Variants in LTBP1 observed in about 807,000 individuals in gnomAD.
LTBP1 encodes the protein latent-transforming growth factor beta-binding protein 1.
Under a neutral mutation model 207.6 loss-of-function variants are expected in LTBP1, and 129 were observed. The ratio of observed to expected loss-of-function variants is 0.62; its 90% CI spans 0.54 to 0.72. The LOEUF (loss-of-function observed/expected upper bound fraction) is 0.72, where lower values mean the gene tolerates loss of function less well. LTBP1 is among the 30% of genes least tolerant of loss of function. The probability of loss-of-function intolerance (pLI) is 0.00; values close to 1 mark genes in which losing one functional copy is unlikely to be tolerated. For synonymous variants in LTBP1, 963 were observed against 833.7 expected, an observed-to-expected ratio of 1.16 and a Z score of -2.67; for missense variants, 2,281 against 2,217.2, an observed-to-expected ratio of 1.03 and a Z score of -0.58.
chr2:33,321,500 G>A (rs1471171504), intron 24 of LTBP1, among the ~76,000 whole-genome samples: 2 of 152,206 alleles, frequency 1.3e-5, no homozygotes, highest in Non-Finnish European at 2.9e-5. Flanking sequence ...CAAATTGGGA[G>A]CAGACGTGGG....
intron 3 of LTBP1, among the ~76,000 whole-genome samples, chr2:33,085,758 T>C (rs2078715771): frequency 6.6e-6 from 1 of 152,244 alleles, no homozygotes; most frequent in Non-Finnish European, 1.5e-5. Context: ...AAATTCTGTG[T>C]TCTTAGCTAT....
In LTBP1 at chr2:32,965,372, T is replaced by A. The variant is rs114206537; in HGVS notation, c.565+16427T>A. Among the ~76,000 whole-genome samples, 748 of 152,302 alleles carry A rather than the reference T, an allele frequency of 4.9e-3. 11 individuals are homozygous for A. The highest frequency in any genetic ancestry group is 0.017 in the African/African-American group (723 of 41,564). On this transcript the variant is annotated intron_variant, in intron 2 of 33. Coordinates refer to ENST00000404816, the MANE Select transcript of LTBP1 (RefSeq NM_206943.4). ...CCATAGTTTATATTAGGGTTCACTC[T>A]TGGTGTTGTATATTCCTTGGGTTTT...
intron 31 of LTBP1, 49 bp from the exon 32 acceptor site, chr2:33,389,135 G>A (rs1428627530): frequency 6.2e-7 from 1 of 1,610,156 alleles, no homozygotes; most frequent in African/African-American, 1.4e-5. Context: ...GGGTGGGGCA[G>A]GTGCGAGCTA....
chr2:33,160,716 C>A (rs906628342), intron 5 of LTBP1, among the ~76,000 whole-genome samples: 2 of 152,136 alleles, frequency 1.3e-5, no homozygotes, highest in Non-Finnish European at 2.9e-5. Flanking sequence ...GTTATTTCTG[C>A]CTCATTATTA....
At chr2:33,082,675 A>G (rs1472582334) in intron 3 of LTBP1, among the ~76,000 whole-genome samples, 1 of 152,032 alleles carries the variant, frequency 6.6e-6, no homozygotes, top group Non-Finnish European at 1.5e-5. Flanking sequence ...TCCGCCTGCC[A>G]CAGCCTCCCA....
chr2:32,983,096 C>G (rs1251902945), intron 2 of LTBP1, among the ~76,000 whole-genome samples: 3 of 152,208 alleles, frequency 2.0e-5, no homozygotes, highest in East Asian at 1.9e-4. Flanking sequence ...GAGTGGTGCT[C>G]TATCCTGCAA....
intron 9 of LTBP1, among the ~76,000 whole-genome samples, chr2:33,224,179 C>T (rs1012765466): frequency 6.6e-6 from 1 of 152,292 alleles, no homozygotes; most frequent in Middle Eastern, 3.4e-3. Context: ...ATCAGATCAC[C>T]TCTGTGGACA....
chr2:33,324,376 A>T (rs538243009), intron 24 of LTBP1, among the ~76,000 whole-genome samples: 4 of 151,972 alleles, frequency 2.6e-5, no homozygotes, highest in African/African-American at 9.7e-5. Context: ...ACTTTATCAT[A>T]GGTATGTATG....
intron 9 of LTBP1, among the ~76,000 whole-genome samples, chr2:33,235,699 T>C (rs1356909752): frequency 2.6e-5 from 4 of 152,170 alleles, no homozygotes; most frequent in Non-Finnish European, 4.4e-5. Flanking sequence ...GTGGCACATA[T>C]ACACCATGGA....
intron 32 of LTBP1, 126 bp from the exon 33 acceptor site, chr2:33,397,007 G>A (rs2095364637): frequency 2.7e-6 from 2 of 752,932 alleles, no homozygotes; most frequent in Non-Finnish European, 4.2e-6. Flanking sequence ...CTAACTTTAA[G>A]ATGTCTGAAA....
At chr2:33,393,933 C>T (rs2095338004) in intron 32 of LTBP1, among the ~76,000 whole-genome samples, 1 of 151,646 alleles carries the variant, frequency 6.6e-6, no homozygotes, top group African/African-American at 2.4e-5. Flanking sequence ...TCCTATTTCT[C>T]CACATCCTCT....
chr2:33,296,754 C>T (rs1019776582), intron 20 of LTBP1, among the ~76,000 whole-genome samples: 8 of 151,990 alleles, frequency 5.3e-5, no homozygotes, highest in Non-Finnish European at 7.4e-5. Flanking sequence ...AAAAAGGCAG[C>T]ATATCGGATG....
At chr2:32,961,642 C>T (rs1202923210) in intron 2 of LTBP1, among the ~76,000 whole-genome samples, 1 of 152,144 alleles carries the variant, frequency 6.6e-6, no homozygotes, top group Non-Finnish European at 1.5e-5. Context: ...AAATGAGGCT[C>T]ATCACAGTGC....
At chr2:33,246,865 G>C (rs956537801) in intron 10 of LTBP1, among the ~76,000 whole-genome samples, 8 of 152,200 alleles carry the variant, frequency 5.3e-5, no homozygotes, top group Non-Finnish European at 7.3e-5. Context: ...TGCTGCCTCT[G>C]ACCTCTATGT....
chr2:32,996,206 G>A (rs1221757827), intron 2 of LTBP1, among the ~76,000 whole-genome samples: 2 of 152,156 alleles, frequency 1.3e-5, no homozygotes, highest in Non-Finnish European at 1.5e-5. Flanking sequence ...TTGGAGGCTG[G>A]GAAGTCAAGA....
At chr2:33,348,101 A>G (rs1559048880) in intron 26 of LTBP1, among the ~76,000 whole-genome samples, 1 of 152,202 alleles carries the variant, frequency 6.6e-6, no homozygotes. Flanking sequence ...TCAACTTCCC[A>G]ATCACCCTTT....
intron 2 of LTBP1, among the ~76,000 whole-genome samples, chr2:33,010,390 A>C (rs1687510940): frequency 6.6e-6 from 1 of 152,180 alleles, no homozygotes; most frequent in African/African-American, 2.4e-5. Flanking sequence ...GGGGGGGATG[A>C]AGAGAAATTG....
At position 33,000,342 on chromosome 2, in the gene LTBP1, C is replaced by A. The variant is rs1010931723; in HGVS notation, c.566-20567C>A. Among the ~76,000 whole-genome samples the A allele has an allele frequency of 1.5e-5, 2 of 134,766 alleles. 1 individual carries two copies. The highest frequency in any genetic ancestry group is 1.5e-4 in the Admixed American group (2 of 13,150). The allele number at this position is 134,766 out of a possible 152,430, so 88.4% of individuals were successfully genotyped here. A position where few individuals can be genotyped will look rare whatever the true frequency, so the allele number is the denominator to read the frequency against. Reference sequence around the variant, plus strand: ...GCACCTGAATGTGTATACCGAGCTACGGAATCCAGGATTCATTCCTTGTCT... The same window carrying A: ...GCACCTGAATGTGTATACCGAGCTAAGGAATCCAGGATTCATTCCTTGTCT... On this transcript the variant is annotated intron_variant, in intron 2 of 33. Transcript: ENST00000404816.
At chr2:33,315,331 C>A in intron 24 of LTBP1, 62 bp downstream of exon 24, 1 of 1,595,014 alleles carries the variant, frequency 6.3e-7, no homozygotes, top group Non-Finnish European at 8.5e-7. Context: ...ATTGCTTTCA[C>A]TTATACAAAG....
Sources: gnomAD v4.1 joint callset for allele counts (sites outside exome capture counted in the v4.1 genomes callset) on GRCh38, gnomAD v4.1.1 for gene constraint, MANE v1.5 for transcripts, NCBI Gene and HGNC (gene_info 2026-07-23, HGNC 2026-07-21) for gene names.